Variants in ATCAY observed in about 807,000 individuals in gnomAD.
ATCAY encodes the protein ATCAY kinesin light chain interacting caytaxin.
ATCAY carries 22 observed loss-of-function variants against 47.7 expected under a neutral mutation model. The ratio of observed to expected loss-of-function variants is 0.46; its 90% CI spans 0.33 to 0.66. The LOEUF (loss-of-function observed/expected upper bound fraction) is 0.66, where lower values mean the gene tolerates loss of function less well. Among genes scored for constraint, ATCAY ranks in the 30% least tolerant of loss-of-function variants. ATCAY has a pLI of 0.02. For missense variants in ATCAY, 452 were observed against 515.0 expected (o/e 0.88, Z 1.18); for synonymous variants, 216 against 207.6 (o/e 1.04, Z -0.35).
chr19:3,886,302 A>T (rs1206375699), intron 2 of ATCAY, among the ~76,000 whole-genome samples: 1 of 151,408 alleles, frequency 6.6e-6, no homozygotes, highest in Non-Finnish European at 1.5e-5. Context: ...TACAAAAATT[A>T]GCTGGGCATG....
At chr19:3,881,881 C>T (rs944055675) in intron 1 of ATCAY, among the ~76,000 whole-genome samples, 2 of 149,164 alleles carry the variant, frequency 1.3e-5, no homozygotes, top group Non-Finnish European at 3.0e-5. Context: ...CCCCCCGACC[C>T]CATAGCATCC....
intron 2 of ATCAY, among the ~76,000 whole-genome samples, chr19:3,886,662 AC>A (rs2038659320): frequency 6.7e-6 from 1 of 149,818 alleles, no homozygotes; most frequent in Non-Finnish European, 1.5e-5. Context: ...AGGCTGAGGC[AC>A]CATGGTGATT....
chr19:3,898,225 C>T (rs1305410385), intron 2 of ATCAY, among the ~76,000 whole-genome samples: 1 of 151,982 alleles, frequency 6.6e-6, no homozygotes, highest in African/African-American at 2.4e-5. Flanking sequence ...CACTCTTTCA[C>T]CTAGGCTGGA....
intron 12 of ATCAY, among the ~76,000 whole-genome samples, chr19:3,921,187 G>A (rs1213462017): frequency 2.0e-5 from 3 of 152,136 alleles, no homozygotes; most frequent in Non-Finnish European, 2.9e-5. Flanking sequence ...CTCTGCCTCC[G>A]ATTCTCCACC....
intron 9 of ATCAY, among the ~76,000 whole-genome samples, chr19:3,917,036 G>A (rs2038972164): frequency 6.6e-6 from 1 of 151,992 alleles, no homozygotes; most frequent in African/African-American, 2.4e-5. Context: ...TCAGTCTCCT[G>A]AACTCAGTGA....
In ATCAY at chr19:3,911,199, C is replaced by G. The variant is rs368299731; in HGVS notation, c.866+310C>G. Among the ~76,000 whole-genome samples, 5 of 152,200 alleles carry G rather than the reference C, an allele frequency of 3.3e-5. No individual in the cohort carries two copies. The South Asian group carries it at 8.3e-4, about 25-fold the overall frequency. On this transcript the variant is annotated intron_variant, in intron 8 of 12. Transcript: ENST00000450849. Reference sequence around the variant, plus strand: ...GAGCAACATAGCAAAACCCCCATCTCTACAAAAAATACAAAAATTAGCAGG... The same window carrying G: ...GAGCAACATAGCAAAACCCCCATCTGTACAAAAAATACAAAAATTAGCAGG...
intron 8 of ATCAY, among the ~76,000 whole-genome samples, chr19:3,913,492 A>G (rs1435550098): frequency 6.6e-6 from 1 of 152,154 alleles, no homozygotes; most frequent in Non-Finnish European, 1.5e-5. Context: ...ACTTCCTTCC[A>G]ACAAGATCCT....
intron 1 of ATCAY, among the ~76,000 whole-genome samples, chr19:3,882,859 C>G (rs2038613791): frequency 6.6e-6 from 1 of 151,988 alleles, no homozygotes; most frequent in Admixed American, 6.6e-5. Context: ...CTATGTTGCC[C>G]AGGCTGGTCT....
intron 5 of ATCAY, 145 bp from the exon 6 acceptor site, chr19:3,908,123 G>A (rs560054920): frequency 4.0e-5 from 40 of 991,956 alleles, no homozygotes; most frequent in Admixed American, 4.0e-4. Context: ...CGAAGGCAGA[G>A]ACTGGCTAAG....
intron 3 of ATCAY, 135 bp from the exon 4 acceptor site, chr19:3,905,299 G>A: frequency 1.2e-6 from 1 of 827,632 alleles, no homozygotes; most frequent in Non-Finnish European, 1.8e-6. Context: ...CCCCGCCAAT[G>A]GCATGGATAC....
chr19:3,885,199 G>A (rs913136478), intron 1 of ATCAY, among the ~76,000 whole-genome samples: 5 of 146,116 alleles, frequency 3.4e-5, no homozygotes, highest in East Asian at 2.1e-4. Flanking sequence ...CGGGTAGACC[G>A]CTTGAGCTCA....
intron 2 of ATCAY, among the ~76,000 whole-genome samples, chr19:3,887,892 A>C (rs1364434358): frequency 6.6e-6 from 1 of 151,360 alleles, no homozygotes; most frequent in East Asian, 2.0e-4. Flanking sequence ...GCAGATCACA[A>C]GGTCAGGAAT....
intron 8 of ATCAY, among the ~76,000 whole-genome samples, chr19:3,912,936 G>T (rs999635514): frequency 6.6e-6 from 1 of 150,608 alleles, no homozygotes; most frequent in African/African-American, 2.4e-5. Context: ...CATGGTATCA[G>T]ATGGCCAGAA....
rs761281770 is a variant in ATCAY at position 3,910,887 on chromosome 19, C to G, written c.864C>G (p.Ile288Met). The G allele has an allele frequency of 2.5e-6, 4 of 1,613,982 alleles. No individual in the cohort carries two copies. The highest frequency in any genetic ancestry group is 3.4e-6 in the Non-Finnish European group (4 of 1,179,890). The change falls in exon 8 of 13, where the codon ATC becomes ATG. Residue 288 changes from isoleucine (I) to methionine (M), a missense_variant and splice_region_variant. Physicochemically the swap from Ile to Met is conservative, Grantham distance 10 (BLOSUM62 1). Transcript: ENST00000450849. ...RTVLAISRPF[I>M]SVKFINKIQY... ...TGCTGGCCATCTCTCGCCCTTTCAT[C>G]AGGTGAGACGGGGAGGCTGCAACCC...
intron 2 of ATCAY, among the ~76,000 whole-genome samples, chr19:3,899,258 A>G (rs983854438): frequency 1.3e-5 from 2 of 152,052 alleles, no homozygotes; most frequent in Admixed American, 6.6e-5. Context: ...TTCCGCCCCA[A>G]AAAGGTTAAC....
chr19:3,922,126 C>T (rs1157088589), intron 12 of ATCAY: 1 of 702,610 alleles, frequency 1.4e-6, no homozygotes, highest in African/African-American at 1.7e-5. Context: ...CAACTACATA[C>T]ACCTGGCTGA....
chr19:3,885,983 C>CAGAGTGTGCGGGAGAG, intron 2 of ATCAY, 139 bp downstream of exon 2: 2 of 799,984 alleles, frequency 2.5e-6, no homozygotes, highest in Non-Finnish European at 4.2e-6. Context: ...CCTCCTCTCC[C>CAGAGTGTGCGGGAGAG]GCACACTCTG....
chr19:3,922,207 A>C, intron 12 of ATCAY: 1 of 701,722 alleles, frequency 1.4e-6, no homozygotes, highest in South Asian at 1.5e-5. Context: ...CCCAAGTTCC[A>C]ACCCTAAGTC....
chr19:3,906,170 C>CAA (rs71339081), intron 4 of ATCAY, among the ~76,000 whole-genome samples: 13 of 75,200 alleles, frequency 1.7e-4, no homozygotes, highest in East Asian at 8.2e-4. Context: ...GACTCCGTCT[C>CAA]AAAAAAAAAA....
Sources: allele counts gnomAD v4.1 joint callset (sites outside exome capture counted in the v4.1 genomes callset), GRCh38; gene constraint gnomAD v4.1.1; transcripts MANE v1.5; gene names NCBI Gene and HGNC (gene_info 2026-07-23, HGNC 2026-07-21).